The following MGAM2 variants were observed in gnomAD, a reference collection of about 807,000 sequenced individuals.
The protein encoded by MGAM2 is maltase-glucoamylase 2 (putative).
In MGAM2, 98 loss-of-function variants were observed where a neutral mutation model predicts 96.1. That is an observed-to-expected ratio of 1.02 (90% CI 0.87 to 1.21). The LOEUF (loss-of-function observed/expected upper bound fraction) is 1.21. MGAM2 is among the 50% of genes most tolerant of loss of function. The pLI is 0.00. For missense variants in MGAM2, 2,055 were observed against 1,182.4 expected (o/e 1.74, Z -10.82); for synonymous variants, 749 against 414.8 (o/e 1.81, Z -9.79).
chr7:142,148,365 C>T lies in MGAM2; in HGVS notation c.1634+792C>T, dbSNP rs1795452727. 6.6e-6 allele frequency among the ~76,000 whole-genome samples: 1 copy of T among 151,600 alleles called. No individual in the cohort carries two copies. Among genetic ancestry groups the T allele is most frequent in the African/African-American group, 2.4e-5 (1 of 41,226 alleles). On this transcript the variant is annotated intron_variant, in intron 15 of 47. Transcript: ENST00000477922. The surrounding 1 kb of genome is among the most constrained non-coding windows in gnomAD (Gnocchi z 4.2). ...ACCACTACCATCACCACCACCACTACCATGACCACCACCACCATCCCTACC... is the reference window on the plus strand; with the variant it reads ...ACCACTACCATCACCACCACCACTATCATGACCACCACCACCATCCCTACC...
intron 46 of MGAM2, among the ~76,000 whole-genome samples, chr7:142,215,297 G>A (rs1247738577): frequency 6.6e-6 from 1 of 152,028 alleles, no homozygotes; most frequent in Non-Finnish European, 1.5e-5. Context: ...ACCAGGGCCT[G>A]TTGGGGGTGG....
chr7:142,148,022 C>T lies in MGAM2; in HGVS notation c.1634+449C>T, dbSNP rs1011261749. ...CCTTTATTTATCTGGAAATGCTACA[C>T]CATATCCTTCTATTTCCTTCCCAAT... On this transcript the variant is annotated intron_variant, in intron 15 of 47. Coordinates refer to ENST00000477922, the MANE Select transcript of MGAM2 (RefSeq NM_001293626.2). This position sits in a 1 kb window ranked among gnomAD's most constrained non-coding sequence, Gnocchi z 4.2. 2.0e-5 allele frequency among the ~76,000 whole-genome samples: 3 copies of T among 151,988 alleles called. No homozygotes were observed. Among genetic ancestry groups the T allele is most frequent in the Admixed American group, 6.6e-5 (1 of 15,238 alleles).
At chr7:142,166,423 G>A (rs1796028265) in intron 25 of MGAM2, among the ~76,000 whole-genome samples, 170 bp downstream of exon 25, 1 of 152,000 alleles carries the variant, frequency 6.6e-6, no homozygotes, top group South Asian at 2.1e-4. Context: ...CAAATCAGAA[G>A]AAACTTATTG....
Position 142,143,796 on chromosome 7 carries a change from G to C in MGAM2, c.1345G>C (p.Asp449His). The C allele has an allele frequency of 2.9e-6, 2 of 687,386 alleles. No individual in the cohort carries two copies. The highest frequency in any genetic ancestry group is 5.3e-6 in the Non-Finnish European group (2 of 375,628). 42.6% of individuals were successfully genotyped at this position (687,386 alleles called of 1,614,324 possible). The change falls in exon 13 of 48, where the codon GAT becomes CAT. Residue 449 changes from aspartate (D) to histidine (H), a missense_variant. By Grantham distance (81) the Asp-to-His change is moderately conservative. Transcript: ENST00000477922. Reference protein sequence around the residue: ...EGYPGPTVFPDYTNPVCTEWW... With the variant: ...EGYPGPTVFPHYTNPVCTEWW... The stretch of plus-strand genomic sequence containing the variant: ...ATATCCGGGACCGACAGTCTTTCCC[G>C]ATTATACCAATCCAGTATGCACTGA...
At chr7:142,122,134 T>C (rs957962887) in intron 3 of MGAM2, among the ~76,000 whole-genome samples, 1 of 152,168 alleles carries the variant, frequency 6.6e-6, no homozygotes, top group Non-Finnish European at 1.5e-5. Flanking sequence ...ACTCATTACC[T>C]CCCACTTAAA....
At chr7:142,142,068 C>T (rs555003791) in intron 12 of MGAM2, among the ~76,000 whole-genome samples, 4 of 152,106 alleles carry the variant, frequency 2.6e-5, no homozygotes, top group Admixed American at 2.0e-4. Flanking sequence ...GTTTATTTTG[C>T]GAAACTGTCT....
At chr7:142,131,114 G>A (rs1447472780) in intron 4 of MGAM2, 43 bp downstream of exon 4, 2 of 691,474 alleles carry the variant, frequency 2.9e-6, no homozygotes, top group South Asian at 3.0e-5. Flanking sequence ...AACTCCTTAT[G>A]GCCCAGATAC....
chr7:142,142,274 A>G (rs1199567402), intron 12 of MGAM2, among the ~76,000 whole-genome samples: 1 of 152,150 alleles, frequency 6.6e-6, no homozygotes, highest in Non-Finnish European at 1.5e-5. Flanking sequence ...AAAATATTAG[A>G]TAAGCCCATA....
rs1817428554 is a variant in MGAM2, at chr7:142,116,989, A to ATGCT, written c.106+13_106+16dup. The ATGCT allele has an allele frequency of 1.4e-6, 1 of 702,888 alleles. No homozygotes were observed. Among genetic ancestry groups the ATGCT allele is most frequent in the Non-Finnish European group, 2.6e-6 (1 of 384,972 alleles). 43.5% of individuals were successfully genotyped at this position (702,888 alleles called of 1,614,324 possible). ...TTGGAGGAAACTTCAGGTAAGGGAG[A>ATGCT]TGCTTGTAGGTTGGAAGGCTGGGTA... On this transcript the variant is annotated intron_variant, in intron 2 of 47. Coordinates refer to ENST00000477922, the MANE Select transcript of MGAM2 (RefSeq NM_001293626.2).
intron 3 of MGAM2, among the ~76,000 whole-genome samples, chr7:142,129,567 G>A (rs1315210532): frequency 6.6e-6 from 1 of 152,006 alleles, no homozygotes; most frequent in Admixed American, 6.6e-5. Context: ...GCTCATGCCT[G>A]TAATCCCAGC....
chr7:142,193,936 A>G (rs931718510), intron 37 of MGAM2, among the ~76,000 whole-genome samples: 1 of 152,134 alleles, frequency 6.6e-6, no homozygotes, highest in Admixed American at 6.5e-5. Context: ...TAGCTGTCTC[A>G]TTTATGATGT....
Position 142,198,733 on chromosome 7 carries a change from A to C in MGAM2, c.5042A>C (p.His1681Pro). 1.4e-6 allele frequency: 1 copy of C among 703,206 alleles called. No individual in the cohort carries two copies. Among genetic ancestry groups the C allele is most frequent in the South Asian group, 1.5e-5 (1 of 67,500 alleles). The allele number at this position is 703,206 out of a possible 1,614,324, so 43.6% of individuals were successfully genotyped here. ...LPWQEPAMNTHSSRQNFMGLI... is the reference protein window; with the variant it reads ...LPWQEPAMNTPSSRQNFMGLI... The stretch of plus-strand genomic sequence containing the variant: ...TGGCAAGAGCCTGCTATGAACACTC[A>C]CTCCAGGTGAGGAGAAGAGGCAATG... Residue 1681 changes from histidine (H) to proline (P), a missense_variant, in exon 44 of 48, where the codon CAC (histidine) becomes CCC (proline). His to Pro is a moderately conservative substitution (Grantham distance 77). Transcript: ENST00000477922.
At chr7:142,149,283 A>C (rs1795485388) in intron 15 of MGAM2, among the ~76,000 whole-genome samples, 1 of 151,544 alleles carries the variant, frequency 6.6e-6, no homozygotes, top group Non-Finnish European at 1.5e-5. Context: ...CTCTCTTTCC[A>C]GCTGTTCCCT....
At position 142,143,834 on chromosome 7, in the gene MGAM2, T is replaced by C. The variant is rs774629527; in HGVS notation, c.1383T>C (p.Asp461=). ...CAGTATGCACTGAGTGGTGGACAGA[T>C]CAGGTCGCTAAATTTCATGATCATC... is the stretch of plus-strand genomic sequence containing the variant. ...TNPVCTEWWT[D]QVAKFHDHLE... Residue 461 remains aspartate (D), a synonymous_variant, in exon 13 of 48, where the codon GAT becomes GAC. Transcript: ENST00000477922. The C allele has an allele frequency of 1.4e-6, 1 of 702,864 alleles. No homozygotes were observed. The highest frequency in any genetic ancestry group is 1.5e-5 in the South Asian group (1 of 67,580). 43.5% of individuals were successfully genotyped at this position (702,864 alleles called of 1,614,324 possible).
intron 3 of MGAM2, among the ~76,000 whole-genome samples, chr7:142,122,047 C>CA (rs1554500825): frequency 1.3e-5 from 2 of 151,810 alleles, no homozygotes; most frequent in Non-Finnish European, 2.9e-5. Context: ...CTTATTTTAA[C>CA]TTTTTTTTAA....
intron 32 of MGAM2, among the ~76,000 whole-genome samples, chr7:142,178,183 T>A (rs1197860002): frequency 6.6e-6 from 1 of 152,240 alleles, no homozygotes; most frequent in Non-Finnish European, 1.5e-5. Flanking sequence ...TCTGTTCATG[T>A]CCTCTGCCTA....
Position 142,131,636 on chromosome 7 carries a change from G to T in MGAM2, c.420+9G>T, listed in dbSNP as rs1461457649. The T allele has an allele frequency of 2.8e-6, 2 of 702,826 alleles. No individual in the cohort carries two copies. 43.5% of individuals were successfully genotyped at this position (702,826 alleles called of 1,614,324 possible). On this transcript the variant is annotated intron_variant, in intron 5 of 47. Coordinates refer to ENST00000477922, the MANE Select transcript of MGAM2 (RefSeq NM_001293626.2). ...ATCGGTTTCATTTTAAGGTTGGTTT[G>T]GGAGTGACTGCTAAATACATTTCTG...
intron 45 of MGAM2, chr7:142,208,305 A>G: frequency 3.4e-6 from 2 of 581,516 alleles, no homozygotes; most frequent in Non-Finnish European, 6.5e-6. Context: ...TCCACACTTC[A>G]GGTAATCTAT....
At chr7:142,181,442 T>C (rs1025683629) in intron 32 of MGAM2, among the ~76,000 whole-genome samples, 4 of 152,192 alleles carry the variant, frequency 2.6e-5, no homozygotes, top group African/African-American at 7.2e-5. Context: ...AGATAGCCTC[T>C]TATTCAGCTG....
Sources: gnomAD v4.1 joint callset for allele counts (sites outside exome capture counted in the v4.1 genomes callset) on GRCh38, gnomAD v4.1.1 for gene constraint, Gnocchi (gnomAD v3.1) non-coding constraint, MANE v1.5 for transcripts, NCBI Gene and HGNC (gene_info 2026-07-23, HGNC 2026-07-21) for gene names.